The following CHD9 variants were observed in gnomAD, a reference collection of about 807,000 sequenced individuals.
The protein encoded by CHD9 is ATP-dependent chromatin remodeler CHD9.
A neutral mutation model predicts 316.1 loss-of-function variants in CHD9; 77 were observed. The ratio of observed to expected loss-of-function variants is 0.24; its 90% CI spans 0.20 to 0.29. The LOEUF (loss-of-function observed/expected upper bound fraction) is 0.29, where lower values mean the gene tolerates loss of function less well. Among genes scored for constraint, CHD9 ranks in the 10% least tolerant of loss-of-function variants. CHD9 has a pLI of 1.00. For synonymous variants in CHD9, 1,129 were observed against 1,158.3 expected, an observed-to-expected ratio of 0.97 and a Z score of 0.51; for missense variants, 2,763 against 3,438.1, an observed-to-expected ratio of 0.80 and a Z score of 4.91.
At chr16:53,221,615 T>C (rs1018722465) in intron 3 of CHD9, among the ~76,000 whole-genome samples, 1 of 152,184 alleles carries the variant, frequency 6.6e-6, no homozygotes. Context: ...ACTTTCATTT[T>C]AGATAGCTCC....
chr16:53,274,092 G>A (rs1020274112), intron 23 of CHD9, 121 bp from the exon 24 acceptor site: 6 of 701,770 alleles, frequency 8.5e-6, no homozygotes, highest in East Asian at 5.5e-5. Context: ...CATTTAATCA[G>A]AAGTAATATT....
intron 2 of CHD9, chr16:53,208,541 G>A: frequency 9.6e-7 from 1 of 1,045,184 alleles, no homozygotes; most frequent in Non-Finnish European, 1.2e-6. Flanking sequence ...ATTTTAGTGA[G>A]CAATTCTAAA....
intron 2 of CHD9, among the ~76,000 whole-genome samples, chr16:53,200,810 C>T (rs899669802): frequency 1.3e-5 from 2 of 152,062 alleles, no homozygotes; most frequent in Non-Finnish European, 2.9e-5. Context: ...AACCAAGTAA[C>T]CAAGGGTAAC....
chr16:53,209,803 A>G lies in CHD9; in HGVS notation c.1774A>G (p.Thr592Ala). ...TKTCSKLKEKTKIGKLIITLG... is the reference protein window; with the variant it reads ...TKTCSKLKEKAKIGKLIITLG... ...AACATGTTCTAAGTTAAAAGAGAAG[A>G]CAAAAATTGGGTAAGTTGGTTAAGA... The change falls in exon 3 of 39, where the codon ACA becomes GCA. Residue 592 changes from threonine to alanine, a missense_variant. By Grantham distance (58) the Thr-to-Ala change is moderately conservative. Transcript: ENST00000447540. 6.4e-7 allele frequency: 1 copy of G among 1,565,100 alleles called. No individual in the cohort carries two copies. The highest frequency in any genetic ancestry group is 8.6e-7 in the Non-Finnish European group (1 of 1,156,768).
chr16:53,210,629 G>T (rs1475764641), intron 3 of CHD9, among the ~76,000 whole-genome samples: 4 of 152,040 alleles, frequency 2.6e-5, no homozygotes, highest in African/African-American at 9.7e-5. Flanking sequence ...AGGACTTCAT[G>T]TGGAAATTTG....
intron 1 of CHD9, among the ~76,000 whole-genome samples, chr16:53,069,430 T>TC (rs1293656690): frequency 6.6e-6 from 1 of 152,114 alleles, no homozygotes; most frequent in Non-Finnish European, 1.5e-5. Flanking sequence ...CAACTCCCCT[T>TC]CCCCCTTAAC....
In CHD9 at chr16:53,227,453, G is replaced by A. The variant is rs186878477; in HGVS notation, c.2101G>A (p.Val701Ile). 4.2e-5 allele frequency: 66 copies of A among 1,559,024 alleles called. No homozygotes were observed. Among genetic ancestry groups the A allele is most frequent in the East Asian group, 9.3e-5 (4 of 42,874 alleles). Residue 701 changes from valine (V) to isoleucine (I), a missense_variant, in exon 6 of 39, where the codon GTA (valine) becomes ATA (isoleucine). Val to Ile is a conservative substitution (Grantham distance 29, BLOSUM62 3). Coordinates refer to ENST00000447540, the MANE Select transcript of CHD9 (RefSeq NM_001308319.2). ...AGACAAAATTCTATCTTCTAGAACC[G>A]TAAAAAAGGAAGTAAGTACTGGTAC... is the stretch of plus-strand genomic sequence containing the variant. ...IVDKILSSRT[V>I]KKEISPGVMI...
chr16:53,096,692 A>G (rs914600882), intron 1 of CHD9, among the ~76,000 whole-genome samples: 1 of 152,222 alleles, frequency 6.6e-6, no homozygotes, highest in Non-Finnish European at 1.5e-5. Flanking sequence ...ATTCTCTTTC[A>G]TGTTGCTTAT....
Position 53,157,107 on chromosome 16 carries a change from T to G in CHD9, c.1018T>G (p.Leu340Val), listed in dbSNP as rs757223079. 6.2e-7 allele frequency: 1 copy of G among 1,611,754 alleles called. No homozygotes were observed. The highest frequency in any genetic ancestry group is 8.5e-7 in the Non-Finnish European group (1 of 1,178,590). ...ATTGAATTCAAATAATTTCCAAATA[T>G]TGCATTCATCACATCCTCAGGGTAA... ...TSLNSNNFQI[L>V]HSSHPQGNYS... is the part of the protein sequence containing the mutation. The change falls in exon 2 of 39, where the codon TTG becomes GTG. Residue 340 changes from leucine (L) to valine (V), a missense_variant. Transcript: ENST00000447540.
At chr16:53,178,002 C>G (rs2043201826) in intron 2 of CHD9, among the ~76,000 whole-genome samples, 1 of 152,170 alleles carries the variant, frequency 6.6e-6, no homozygotes, top group African/African-American at 2.4e-5. Context: ...TAAGCATGCA[C>G]ATACTGGCAG....
chr16:53,303,198 T>G (rs76316019), intron 30 of CHD9, among the ~76,000 whole-genome samples: 1 of 151,502 alleles, frequency 6.6e-6, no homozygotes, highest in Admixed American at 6.6e-5. Flanking sequence ...TTTTTTTTTT[T>G]GCAATTTTTT....
chr16:53,233,014 G>C (rs756599191), intron 10 of CHD9, among the ~76,000 whole-genome samples: 1 of 152,066 alleles, frequency 6.6e-6, no homozygotes. Flanking sequence ...GAATTCTTCC[G>C]ACCAGCAAGC....
chr16:53,128,129 G>C (rs922702241), intron 1 of CHD9, among the ~76,000 whole-genome samples: 2 of 152,102 alleles, frequency 1.3e-5, no homozygotes, highest in African/African-American at 4.8e-5. Context: ...CCAAATCCCT[G>C]TGTCCAGATA....
At chr16:53,314,579 A>T in intron 35 of CHD9, 63 bp downstream of exon 35, 1 of 1,299,768 alleles carries the variant, frequency 7.7e-7, no homozygotes. Context: ...ATAAATATAC[A>T]TATTATTGTT....
At chr16:53,108,789 C>T (rs1286669663) in intron 1 of CHD9, among the ~76,000 whole-genome samples, 3 of 151,816 alleles carry the variant, frequency 2.0e-5, no homozygotes, top group Admixed American at 6.6e-5. Flanking sequence ...GCAGGAGAAT[C>T]ACTTGAACCC....
intron 3 of CHD9, among the ~76,000 whole-genome samples, chr16:53,221,341 A>G (rs1223444554): frequency 1.3e-5 from 2 of 152,104 alleles, no homozygotes; most frequent in Non-Finnish European, 2.9e-5. Flanking sequence ...TAAATCTTTG[A>G]CCCTGTGTTT....
rs544422602 is a variant in CHD9, at chr16:53,081,479, G to T, written c.-165+26402G>T. ...TTGTATTGGGAAGGGCACTGGAATT[G>T]GAATCAGAATTTCCATGAGTTTGAA... On this transcript the variant is annotated intron_variant, in intron 1 of 38. Coordinates refer to ENST00000447540, the MANE Select transcript of CHD9 (RefSeq NM_001308319.2). Among the ~76,000 whole-genome samples, 5 of 152,270 alleles carry T rather than the reference G, an allele frequency of 3.3e-5. 1 individual carries two copies. Among genetic ancestry groups the T allele is most frequent in the Middle Eastern group, 3.4e-3 (1 of 294 alleles).
At chr16:53,274,853 T>C (rs757379232) in intron 24 of CHD9, among the ~76,000 whole-genome samples, 6 of 152,158 alleles carry the variant, frequency 3.9e-5, no homozygotes, top group Non-Finnish European at 7.4e-5. Flanking sequence ...ACTTATAAGG[T>C]AGAAAATCCA....
chr16:53,295,552 T>A (rs2054705874), intron 29 of CHD9, among the ~76,000 whole-genome samples: 1 of 152,204 alleles, frequency 6.6e-6, no homozygotes, highest in African/African-American at 2.4e-5. Context: ...AAATTCATCT[T>A]TTCCTTTCTA....
Sources: allele counts gnomAD v4.1 joint callset (sites outside exome capture counted in the v4.1 genomes callset), GRCh38; gene constraint gnomAD v4.1.1; transcripts MANE v1.5; gene names NCBI Gene and HGNC (gene_info 2026-07-23, HGNC 2026-07-21).